Variants in MC2R observed in about 807,000 individuals in gnomAD.
MC2R encodes the protein adrenocorticotropic hormone receptor.
MC2R carries 9 observed loss-of-function variants against 9.8 expected under a neutral mutation model. The observed-to-expected ratio is 0.92, with a 90% confidence interval of 0.55 to 1.60. The LOEUF is 1.60. Ranked by LOEUF, MC2R falls within the 40% of genes most tolerant of loss-of-function variation. The pLI is 0.00. For synonymous variants in MC2R, 185 were observed against 154.7 expected, an observed-to-expected ratio of 1.20 and a Z score of -1.45; for missense variants, 370 against 389.0, an observed-to-expected ratio of 0.95 and a Z score of 0.41.
intron 1 of MC2R, among the ~76,000 whole-genome samples, chr18:13,908,573 G>A (rs923888020): frequency 1.3e-5 from 2 of 152,144 alleles, no homozygotes; most frequent in African/African-American, 2.4e-5. Context: ...GATATCCTAA[G>A]TACACTGTTT....
intron 1 of MC2R, among the ~76,000 whole-genome samples, chr18:13,914,192 C>T (rs1017387061): frequency 5.9e-5 from 9 of 152,158 alleles, no homozygotes. Context: ...AGCTTATCTA[C>T]CCCATTACCC....
At chr18:13,900,236 C>T (rs1693968208) in intron 1 of MC2R, among the ~76,000 whole-genome samples, 2 of 151,682 alleles carry the variant, frequency 1.3e-5, no homozygotes, top group Admixed American at 1.3e-4. Context: ...CTCTTGGTAA[C>T]CTCAAACCAA....
rs1037631466 is a variant in MC2R at position 13,886,078 on chromosome 18, T to C, written c.-128-432A>G. Among the ~76,000 whole-genome samples the C allele has an allele frequency of 2.3e-4, 26 of 113,498 alleles. 1 individual carries two copies. Among genetic ancestry groups the C allele is most frequent in the Admixed American group, 2.0e-4 (2 of 9,926 alleles). 74.5% of individuals were successfully genotyped at this position (113,498 alleles called of 152,430 possible). ...AATGGACATTGGAGACTCGGAAGGG[T>C]GGGAGGGGGCGGGTGATGAGAAATT... On this transcript the variant is annotated intron_variant, in intron 1 of 1. Coordinates refer to ENST00000327606, the MANE Select transcript of MC2R (RefSeq NM_000529.2).
chr18:13,899,928 C>T (rs969937024), intron 1 of MC2R, among the ~76,000 whole-genome samples: 5 of 152,112 alleles, frequency 3.3e-5, no homozygotes, highest in Admixed American at 2.6e-4. Flanking sequence ...ACAAAACTCA[C>T]TAATAACATT....
intron 1 of MC2R, among the ~76,000 whole-genome samples, chr18:13,908,247 T>C (rs1332884581): frequency 6.6e-6 from 1 of 152,176 alleles, no homozygotes; most frequent in Non-Finnish European, 1.5e-5. Flanking sequence ...CTGGAGGCCA[T>C]TATGTTAAGT....
intron 1 of MC2R, among the ~76,000 whole-genome samples, chr18:13,893,585 T>C (rs146564897): frequency 2.2e-3 from 332 of 152,332 alleles, no homozygotes; most frequent in African/African-American, 7.7e-3. Flanking sequence ...AAGCTTTCAC[T>C]TCCCTCTTGA....
rs1172708502 is a variant in MC2R, at chr18:13,882,686, A to T, written c.*1939T>A. On this transcript the variant is annotated 3_prime_UTR_variant, in exon 2 of 2. Transcript: ENST00000327606. ...ATTGCTTACCTCTGTGGTATCACAG[A>T]GCATTGCAGCATCAAAAAAAGGTTA... is the stretch of plus-strand genomic sequence containing the variant. 1 of 152,236 alleles carries T rather than the reference A, an allele frequency of 6.6e-6. No homozygotes were observed. Among genetic ancestry groups the T allele is most frequent in the Non-Finnish European group, 1.5e-5 (1 of 68,050 alleles). 9.4% of individuals were successfully genotyped at this position (152,236 alleles called of 1,614,324 possible).
intron 1 of MC2R, among the ~76,000 whole-genome samples, 160 bp downstream of exon 1, chr18:13,915,328 A>G (rs2045469939): frequency 6.6e-6 from 1 of 152,246 alleles, no homozygotes; most frequent in African/African-American, 2.4e-5. Flanking sequence ...TAATTAGAAA[A>G]ATAATAAACT....
intron 1 of MC2R, among the ~76,000 whole-genome samples, chr18:13,895,539 G>A (rs1032461819): frequency 2.6e-5 from 4 of 152,182 alleles, no homozygotes; most frequent in Non-Finnish European, 4.4e-5. Context: ...TATTCAGCAG[G>A]AAGGGGCAGG....
chr18:13,887,779 C>A (rs2045286110), intron 1 of MC2R, among the ~76,000 whole-genome samples: 1 of 152,150 alleles, frequency 6.6e-6, no homozygotes, highest in African/African-American at 2.4e-5. Flanking sequence ...GAAGTGTGAG[C>A]TCCTCTTAGG....
Position 13,885,478 on chromosome 18 carries a change from GTGT to G in MC2R, c.38_40del (p.Asn13del). 6.2e-7 allele frequency: 1 copy of G among 1,614,180 alleles called. No homozygotes were observed. On this transcript the variant is annotated inframe_deletion, in exon 2 of 2. Transcript: ENST00000327606. ...AGGACAGTCGGAATTATTTCTTGCT[GTGT>G]TGTTGATGTTTTCATACGAGTTGAT... is the stretch of plus-strand genomic sequence containing the variant.
intron 1 of MC2R, among the ~76,000 whole-genome samples, chr18:13,905,920 A>G (rs917872274): frequency 6.6e-6 from 1 of 152,014 alleles, no homozygotes. Flanking sequence ...GCTGGGCATG[A>G]TGACGCACAC....
At chr18:13,892,858 C>G (rs935606157) in intron 1 of MC2R, among the ~76,000 whole-genome samples, 1 of 151,468 alleles carries the variant, frequency 6.6e-6, no homozygotes, top group African/African-American at 2.4e-5. Flanking sequence ...CACACACACA[C>G]ATCTGTTGCC....
rs1238267279 is a variant in MC2R, at chr18:13,885,001, G to A, written c.518C>T (p.Pro173Leu). The change falls in exon 2 of 2, where the codon CCC becomes CTC. Residue 173 changes from proline (P) to leucine (L), a missense_variant. Pro to Leu is a moderately conservative substitution (Grantham distance 98, BLOSUM62 -3). Coordinates refer to ENST00000327606, the MANE Select transcript of MC2R (RefSeq NM_000529.2). Reference protein sequence around the residue: ...ITMVIFSHHVPTVITFTSLFP... With the variant: ...ITMVIFSHHVLTVITFTSLFP... ...CAGCGACGTGAAGGTGATCACTGTGGGCACATGATGGGAGAAGATCACCAT... is the reference window on the plus strand; with the variant it reads ...CAGCGACGTGAAGGTGATCACTGTGAGCACATGATGGGAGAAGATCACCAT... 4 of 1,614,026 alleles carry A rather than the reference G, an allele frequency of 2.5e-6. No homozygotes were observed. The highest frequency in any genetic ancestry group is 1.7e-5 in the Admixed American group (1 of 60,004).
At chr18:13,910,124 T>C (rs2045436450) in intron 1 of MC2R, among the ~76,000 whole-genome samples, 1 of 152,204 alleles carries the variant, frequency 6.6e-6, no homozygotes, top group Non-Finnish European at 1.5e-5. Flanking sequence ...TTTAAAATAA[T>C]TTTTTCCTCA....
chr18:13,913,377 C>A (rs957113939), intron 1 of MC2R, among the ~76,000 whole-genome samples: 18 of 152,196 alleles, frequency 1.2e-4, no homozygotes, highest in African/African-American at 4.3e-4. Flanking sequence ...CACACAAACG[C>A]TTGCTGCCCC....
intron 1 of MC2R, among the ~76,000 whole-genome samples, chr18:13,901,547 G>A (rs1351342183): frequency 6.6e-6 from 1 of 151,858 alleles, no homozygotes; most frequent in African/African-American, 2.4e-5. Context: ...AATAGGAAAT[G>A]AAAAAAGAGA....
At chr18:13,899,138 C>T (rs34615701) in intron 1 of MC2R, among the ~76,000 whole-genome samples, 23,896 of 151,998 alleles carry the variant, frequency 0.16, 2,507 homozygotes, top group Middle Eastern at 0.29. Flanking sequence ...ATTCAGAATC[C>T]TATCAGATAA....
chr18:13,911,821 G>A (rs1322199467), intron 1 of MC2R, among the ~76,000 whole-genome samples: 3 of 152,200 alleles, frequency 2.0e-5, no homozygotes, highest in Non-Finnish European at 4.4e-5. Context: ...AGAATTGGCA[G>A]TTTTTAGCAC....
Sources: allele counts gnomAD v4.1 joint callset (sites outside exome capture counted in the v4.1 genomes callset), GRCh38; gene constraint gnomAD v4.1.1; transcripts MANE v1.5; gene names NCBI Gene and HGNC (gene_info 2026-07-23, HGNC 2026-07-21).